Variants in PTPRT observed in about 807,000 individuals in gnomAD.
PTPRT encodes protein tyrosine phosphatase receptor type T, also known as receptor-type tyrosine-protein phosphatase T.
Under a neutral mutation model 176.8 loss-of-function variants are expected in PTPRT, and 56 were observed. The ratio of observed to expected loss-of-function variants is 0.32; its 90% CI spans 0.26 to 0.40. The LOEUF (loss-of-function observed/expected upper bound fraction) is 0.40. PTPRT is among the 10% of genes least tolerant of loss of function. PTPRT has a pLI of 1.00. For missense variants in PTPRT, 1,540 were observed against 1,908.2 expected, an observed-to-expected ratio of 0.81 and a Z score of 3.60; for synonymous variants, 783 against 739.0, an observed-to-expected ratio of 1.06 and a Z score of -0.96.
intron 7 of PTPRT, among the ~76,000 whole-genome samples, chr20:42,552,035 C>T (rs1273473290): frequency 6.6e-6 from 1 of 152,094 alleles, no homozygotes; most frequent in Non-Finnish European, 1.5e-5. Context: ...CTTTTCTAAC[C>T]TCTAGAGAAT....
intron 1 of PTPRT, among the ~76,000 whole-genome samples, chr20:43,018,289 C>T (rs896140939): frequency 6.6e-6 from 1 of 152,098 alleles, no homozygotes; most frequent in African/African-American, 2.4e-5. Context: ...TTTTGGAAAA[C>T]AACGTTCAGA....
chr20:42,118,447 A>T lies in PTPRT; in HGVS notation c.2938T>A (p.Ser980Thr). The change falls in exon 21 of 31, where the codon TCC (serine) becomes ACC (threonine). Residue 980 changes from serine (S) to threonine (T), a missense_variant. Physicochemically the swap from Ser to Thr is moderately conservative, Grantham distance 58. Coordinates refer to ENST00000373187, the MANE Select transcript of PTPRT (RefSeq NM_007050.6). ...TTTGTGACCATGACGATGCTGGCGG[A>T]GTTCTCCTGCCAGATCATTCTCCAA... is the stretch of plus-strand genomic sequence containing the variant. ...DFWRMIWQENSASIVMVTNLV... is the reference protein window; with the variant it reads ...DFWRMIWQENTASIVMVTNLV... 6.2e-7 allele frequency: 1 copy of T among 1,613,024 alleles called. No individual in the cohort carries two copies. The highest frequency in any genetic ancestry group is 1.7e-5 in the Admixed American group (1 of 59,926).
chr20:42,161,312 T>C, intron 17 of PTPRT, 40 bp downstream of exon 17: 1 of 1,610,018 alleles, frequency 6.2e-7, no homozygotes, highest in East Asian at 2.2e-5. Context: ...AATAAGCCTC[T>C]GAAACTATCA....
intron 1 of PTPRT, among the ~76,000 whole-genome samples, chr20:43,005,290 G>T (rs1038933777): frequency 6.6e-6 from 1 of 152,068 alleles, no homozygotes; most frequent in African/African-American, 2.4e-5. Flanking sequence ...CTCTCCAACC[G>T]CATCTTGTTG....
At position 42,807,713 on chromosome 20, in the gene PTPRT, G is replaced by C. The variant is rs6130227; in HGVS notation, c.215-16247C>G. Among the ~76,000 whole-genome samples the C allele has an allele frequency of 1.3e-3, 192 of 152,240 alleles. 5 individuals carry two copies. In the East Asian group the frequency reaches 0.035, roughly 27 times the overall value. ...ATAGAAATTATTTGAAGAAATTCCT[G>C]CTTAATCGGGCTTCAATCTCTTCCA... On this transcript the variant is annotated intron_variant, in intron 2 of 30. Coordinates refer to ENST00000373187, the MANE Select transcript of PTPRT (RefSeq NM_007050.6).
chr20:42,133,581 G>A lies in PTPRT; in HGVS notation c.2771-4751C>T, dbSNP rs111867434. The stretch of plus-strand genomic sequence containing the variant: ...TGAAGCATAGAGGATGTTTAAGGCC[G>A]TGAAACTATTCTATACAATAGTGCA... On this transcript the variant is annotated intron_variant, in intron 18 of 30. Transcript: ENST00000373187. Among the ~76,000 whole-genome samples the A allele has an allele frequency of 2.9e-3, 435 of 152,248 alleles. 2 individuals are homozygous for A. The highest frequency in any genetic ancestry group is 4.4e-3 in the Non-Finnish European group (296 of 68,022).
chr20:43,141,118 T>G (rs146983611), intron 1 of PTPRT, among the ~76,000 whole-genome samples: 1 of 152,322 alleles, frequency 6.6e-6, no homozygotes, highest in East Asian at 1.9e-4. Context: ...AGCAAAATCA[T>G]TTATAATTTT....
intron 2 of PTPRT, among the ~76,000 whole-genome samples, chr20:42,819,305 G>A (rs762656598): frequency 3.9e-5 from 6 of 152,052 alleles, no homozygotes; most frequent in African/African-American, 1.2e-4. Context: ...CAAACTAATC[G>A]TGATAAGTAA....
At chr20:43,011,482 T>C (rs916241785) in intron 1 of PTPRT, among the ~76,000 whole-genome samples, 1 of 152,152 alleles carries the variant, frequency 6.6e-6, no homozygotes, top group African/African-American at 2.4e-5. Flanking sequence ...TGCTCCAGAA[T>C]CAAAGATACA....
chr20:42,479,877 T>C (rs553042145), intron 7 of PTPRT, among the ~76,000 whole-genome samples: 3 of 152,338 alleles, frequency 2.0e-5, no homozygotes, highest in Non-Finnish European at 4.4e-5. Flanking sequence ...ATCATAGATA[T>C]CTTATAAATA....
intron 2 of PTPRT, among the ~76,000 whole-genome samples, chr20:42,828,199 G>A (rs532028974): frequency 3.5e-4 from 54 of 152,330 alleles, no homozygotes; most frequent in African/African-American, 1.2e-3. Context: ...AGATGGAGAT[G>A]AGGAACTTGT....
At chr20:42,757,994 C>G (rs555672980) in intron 5 of PTPRT, among the ~76,000 whole-genome samples, 19 of 152,310 alleles carry the variant, frequency 1.2e-4, no homozygotes, top group Admixed American at 5.2e-4. Context: ...AACTGCTGCT[C>G]TTCTCAGAAG....
chr20:42,607,547 G>C (rs934507769), intron 7 of PTPRT: 1 of 152,328 alleles, frequency 6.6e-6, no homozygotes, highest in African/African-American at 2.4e-5. Flanking sequence ...GGATACGCAA[G>C]ACATTGCTTT....
intron 11 of PTPRT, among the ~76,000 whole-genome samples, chr20:42,341,423 A>AT (rs1268734848): frequency 6.6e-6 from 1 of 152,064 alleles, no homozygotes; most frequent in African/African-American, 2.4e-5. Context: ...AGATTAAACG[A>AT]TTAAAAAAAA....
At chr20:42,229,535 T>C (rs2056090805) in intron 15 of PTPRT, among the ~76,000 whole-genome samples, 1 of 152,240 alleles carries the variant, frequency 6.6e-6, no homozygotes, top group Non-Finnish European at 1.5e-5. Flanking sequence ...CCTGTTTAAA[T>C]ATATTGAAGC....
chr20:42,328,455 C>A (rs934694683), intron 11 of PTPRT, among the ~76,000 whole-genome samples: 1 of 151,958 alleles, frequency 6.6e-6, no homozygotes, highest in Non-Finnish European at 1.5e-5. Flanking sequence ...TAAATTGGTG[C>A]TCCATAAGTG....
intron 7 of PTPRT, among the ~76,000 whole-genome samples, chr20:42,636,110 C>T (rs1159511354): frequency 6.6e-6 from 1 of 152,076 alleles, no homozygotes; most frequent in Non-Finnish European, 1.5e-5. Context: ...AACTTGATTA[C>T]TCTTATACAT....
chr20:42,204,194 C>A (rs1156909383), intron 15 of PTPRT, among the ~76,000 whole-genome samples: 1 of 152,124 alleles, frequency 6.6e-6, no homozygotes, highest in African/African-American at 2.4e-5. Context: ...GGTAACTTAG[C>A]ATTTCCTTCT....
intron 2 of PTPRT, among the ~76,000 whole-genome samples, chr20:42,806,083 A>G (rs554996929): frequency 6.6e-6 from 1 of 150,654 alleles, no homozygotes; most frequent in South Asian, 2.1e-4. Flanking sequence ...CTGGAGCCAC[A>G]CCCCTGCAGT....
Sources: allele counts gnomAD v4.1 joint callset (sites outside exome capture counted in the v4.1 genomes callset), GRCh38; gene constraint gnomAD v4.1.1; transcripts MANE v1.5; gene names NCBI Gene and HGNC (gene_info 2026-07-23, HGNC 2026-07-21).